Variants in CNIH3 observed in about 807,000 individuals in gnomAD.
The protein encoded by CNIH3 is protein cornichon homolog 3.
CNIH3 carries 14 observed loss-of-function variants against 24.1 expected under a neutral mutation model. The ratio of observed to expected loss-of-function variants is 0.58; its 90% CI spans 0.38 to 0.91. The LOEUF (loss-of-function observed/expected upper bound fraction) is 0.91. Ranked by LOEUF, CNIH3 falls within the 40% of genes least tolerant of loss-of-function variation. CNIH3 has a pLI of 0.00. For synonymous variants in CNIH3, 68 were observed against 73.8 expected (o/e 0.92, Z 0.40); for missense variants, 178 against 196.8 (o/e 0.90, Z 0.57).
intron 1 of CNIH3, among the ~76,000 whole-genome samples, chr1:224,481,807 A>C (rs990381817): frequency 1.3e-5 from 2 of 152,184 alleles, no homozygotes; most frequent in African/African-American, 4.8e-5. Flanking sequence ...GCAGGTGGTG[A>C]AGCCAGTCAA....
chr1:224,532,512 G>A (rs998509463), intron 2 of CNIH3, among the ~76,000 whole-genome samples: 13 of 152,184 alleles, frequency 8.5e-5, no homozygotes, highest in Admixed American at 6.5e-4. Context: ...AGGTGATGGC[G>A]GCTCCCATCT....
At chr1:224,450,401 CTGAA>C (rs1398187183) in intron 1 of CNIH3, among the ~76,000 whole-genome samples, 1 of 152,152 alleles carries the variant, frequency 6.6e-6, no homozygotes, top group Non-Finnish European at 1.5e-5. Flanking sequence ...ACCCTGTCTA[CTGAA>C]TGGCCAGGGA....
chr1:224,651,181 T>G (rs1684840697), intron 1 of CNIH3, among the ~76,000 whole-genome samples: 1 of 152,090 alleles, frequency 6.6e-6, no homozygotes, highest in South Asian at 2.1e-4. Context: ...GAGTTTGTAG[T>G]GACCATAGAG....
At chr1:224,578,029 G>A (rs1681110946) in intron 4 of CNIH3, among the ~76,000 whole-genome samples, 1 of 152,074 alleles carries the variant, frequency 6.6e-6, no homozygotes, top group Non-Finnish European at 1.5e-5. Context: ...AAGGGTGGGA[G>A]GGAGGCAAAG....
At chr1:224,556,929 G>T (rs1680163020) in intron 3 of CNIH3, among the ~76,000 whole-genome samples, 1 of 152,200 alleles carries the variant, frequency 6.6e-6, no homozygotes, top group Non-Finnish European at 1.5e-5. Context: ...TCTCAGGCAT[G>T]AATCTGAGGA....
At chr1:224,648,667 T>A (rs973074566) in intron 1 of CNIH3, among the ~76,000 whole-genome samples, 6 of 152,158 alleles carry the variant, frequency 3.9e-5, no homozygotes, top group Non-Finnish European at 1.5e-5. Context: ...CGATTTTGCC[T>A]TGGCCCAATT....
At chr1:224,488,185 A>G (rs1677100169) in intron 1 of CNIH3, among the ~76,000 whole-genome samples, 1 of 151,960 alleles carries the variant, frequency 6.6e-6, no homozygotes, top group Non-Finnish European at 1.5e-5. Flanking sequence ...TGCACTCTAA[A>G]TGGGGCCATA....
At chr1:224,554,892 T>A (rs540162819) in intron 3 of CNIH3, among the ~76,000 whole-genome samples, 1 of 152,304 alleles carries the variant, frequency 6.6e-6, no homozygotes, top group African/African-American at 2.4e-5. Context: ...TGGTCCAGTA[T>A]AACAACTACT....
intron 1 of CNIH3, among the ~76,000 whole-genome samples, chr1:224,645,581 G>A (rs981285833): frequency 1.1e-4 from 17 of 152,234 alleles, no homozygotes; most frequent in Non-Finnish European, 2.1e-4. Flanking sequence ...TCCAAAATAT[G>A]GTGGGTGGTG....
chr1:224,574,149 T>A (rs1381652831), intron 4 of CNIH3, among the ~76,000 whole-genome samples: 3 of 152,172 alleles, frequency 2.0e-5, no homozygotes. Flanking sequence ...TATATGCTAC[T>A]TCAGTCTCTC....
downstream of CNIH3, among the ~76,000 whole-genome samples, chr1:224,588,946 A>G (rs1259476542): frequency 1.5e-5 from 2 of 137,696 alleles, no homozygotes; most frequent in Non-Finnish European, 3.0e-5. Context: ...GGGCCAAGCT[A>G]CTACCTTCTT....
intron 4 of CNIH3, chr1:224,574,907 T>G: frequency 9.9e-7 from 1 of 1,012,144 alleles, no homozygotes; most frequent in Non-Finnish European, 1.6e-6. Flanking sequence ...TGGTGAAAGC[T>G]ATTGGCATCT....
At chr1:224,712,052 T>C (rs941490469) in intron 3 of CNIH3, among the ~76,000 whole-genome samples, 6 of 152,080 alleles carry the variant, frequency 3.9e-5, no homozygotes, top group African/African-American at 1.4e-4. Context: ...CTCACTAGCT[T>C]CAAGCCCGGG....
At chr1:224,546,952 C>G (rs712092) in intron 3 of CNIH3, 210,209 of 971,382 alleles carry the variant, frequency 0.22, 28,147 homozygotes, top group African/African-American at 0.61. Flanking sequence ...AAGCCAGAAA[C>G]AAGACACTCA....
chr1:224,684,814 A>G lies in CNIH3; in HGVS notation c.169A>G (p.Ile57Val), dbSNP rs751198777. Residue 57 changes from isoleucine to valine, a missense_variant, in exon 3 of 6, where the codon ATC becomes GTC. By Grantham distance (29) the Ile-to-Val change is conservative (BLOSUM62 3). Transcript: ENST00000272133. The surrounding 1 kb of genome is among the most constrained non-coding windows in gnomAD (Gnocchi z 4.2). ...PVHARERLRN[I>V]ERICFLLRKL... ...CTGATAGAGGGAACGGTTGAGGAAC[A>G]TCGAGCGCATCTGCTTCCTTCTGCG... 6.2e-7 allele frequency: 1 copy of G among 1,614,118 alleles called. No homozygotes were observed. The highest frequency in any genetic ancestry group is 8.5e-7 in the Non-Finnish European group (1 of 1,179,970).
intron 4 of CNIH3, among the ~76,000 whole-genome samples, chr1:224,576,964 G>A (rs1376135853): frequency 6.6e-6 from 1 of 152,104 alleles, no homozygotes; most frequent in Non-Finnish European, 1.5e-5. Flanking sequence ...CATAAAGTGG[G>A]ACAAAGGACA....
intron 5 of CNIH3, among the ~76,000 whole-genome samples, chr1:224,586,264 G>A (rs1046064922): frequency 6.6e-6 from 1 of 152,172 alleles, no homozygotes; most frequent in Non-Finnish European, 1.5e-5. Context: ...AAAAGAAAGA[G>A]TTTTAATAGA....
chr1:224,559,028 C>T (rs1008490280), intron 3 of CNIH3, among the ~76,000 whole-genome samples: 7 of 152,160 alleles, frequency 4.6e-5, no homozygotes, highest in African/African-American at 9.7e-5. Context: ...CTTAAAAGCA[C>T]GCTTTGCAAA....
At chr1:224,468,562 G>T (rs1676239033) in intron 1 of CNIH3, among the ~76,000 whole-genome samples, 1 of 152,048 alleles carries the variant, frequency 6.6e-6, no homozygotes, top group African/African-American at 2.4e-5. Flanking sequence ...GATTTATTAG[G>T]ATTTTCTGTG....
Sources: allele counts gnomAD v4.1 joint callset (sites outside exome capture counted in the v4.1 genomes callset), GRCh38; gene constraint gnomAD v4.1.1; non-coding constraint Gnocchi (gnomAD v3.1); transcripts MANE v1.5; gene names NCBI Gene and HGNC (gene_info 2026-07-23, HGNC 2026-07-21).